The following DUSP16 variants were observed in gnomAD, a reference collection of about 807,000 sequenced individuals.
The protein encoded by DUSP16 is dual specificity protein phosphatase 16.
In DUSP16, 21 loss-of-function variants were observed where a neutral mutation model predicts 58.3. That is an observed-to-expected ratio of 0.36 (90% CI 0.26 to 0.52). The LOEUF (loss-of-function observed/expected upper bound fraction) is 0.52. Among genes scored for constraint, DUSP16 ranks in the 20% least tolerant of loss-of-function variants. The pLI, the probability that DUSP16 is intolerant of heterozygous loss-of-function variation, is 0.94. For missense variants in DUSP16, 726 were observed against 819.0 expected, an observed-to-expected ratio of 0.89 and a Z score of 1.39; for synonymous variants, 320 against 323.8, an observed-to-expected ratio of 0.99 and a Z score of 0.12.
At chr12:12,494,136 C>T (rs1943797483) in intron 4 of DUSP16, among the ~76,000 whole-genome samples, 1 of 152,148 alleles carries the variant, frequency 6.6e-6, no homozygotes, top group Non-Finnish European at 1.5e-5. Context: ...GTTCCTTGCA[C>T]ATTTTCATTT....
Position 12,476,697 on chromosome 12 carries a change from A to G in DUSP16, c.*136T>C. ...AAGAGAGTAACAACTGGGTTGATCCACCTGTTGCTTTTACACCATAGCTCC... is the reference window on the plus strand; with the variant it reads ...AAGAGAGTAACAACTGGGTTGATCCGCCTGTTGCTTTTACACCATAGCTCC... On this transcript the variant is annotated 3_prime_UTR_variant, in exon 7 of 7. Coordinates refer to ENST00000298573, the MANE Select transcript of DUSP16 (RefSeq NM_030640.3). The G allele has an allele frequency of 1.4e-6, 1 of 702,686 alleles. No individual in the cohort carries two copies. The allele number at this position is 702,686 out of a possible 1,614,324, so 43.5% of individuals were successfully genotyped here.
chr12:12,477,439 T>C lies in DUSP16; in HGVS notation c.1392A>G (p.Glu464=). 1 of 1,605,592 alleles carries C rather than the reference T, an allele frequency of 6.2e-7. No individual in the cohort carries two copies. The highest frequency in any genetic ancestry group is 1.3e-5 in the African/African-American group (1 of 74,760). Residue 464 remains glutamate, a synonymous_variant, in exon 7 of 7, where the codon GAA becomes GAG. Transcript: ENST00000298573. The surrounding 1 kb of genome is among the most constrained non-coding windows in gnomAD (Gnocchi z 4.1). ...QTPETSPDKE[E]ASIPKKLQTA... ...TCTGCAGCTTCTTGGGGATGCTGGC[T>C]TCCTCCTTATCAGGACTGGTTTCGG...
intron 5 of DUSP16, among the ~76,000 whole-genome samples, chr12:12,481,774 T>C (rs567090616): frequency 1.3e-5 from 2 of 152,052 alleles, no homozygotes; most frequent in South Asian, 2.1e-4. Flanking sequence ...TAAGAACATA[T>C]AAACTCGTGT....
chr12:12,508,702 A>T (rs1265992665), intron 3 of DUSP16, among the ~76,000 whole-genome samples: 1 of 152,224 alleles, frequency 6.6e-6, no homozygotes, highest in Non-Finnish European at 1.5e-5. Flanking sequence ...TTATCCCATA[A>T]ATGACACCTC....
intron 3 of DUSP16, among the ~76,000 whole-genome samples, chr12:12,514,615 C>A (rs10845570): frequency 1.4e-3 from 212 of 152,194 alleles, no homozygotes; most frequent in African/African-American, 5.0e-3. Context: ...AGAACAGGCC[C>A]GGCACATGGC....
At chr12:12,540,021 C>T (rs1944527733) in intron 1 of DUSP16, among the ~76,000 whole-genome samples, 1 of 151,884 alleles carries the variant, frequency 6.6e-6, no homozygotes, top group Admixed American at 6.6e-5. Context: ...CACCACTGCA[C>T]CCTGGCCTGG....
intron 4 of DUSP16, among the ~76,000 whole-genome samples, chr12:12,489,853 A>C (rs1943738011): frequency 1.3e-5 from 2 of 152,260 alleles, no homozygotes; most frequent in Admixed American, 6.5e-5. Context: ...AGACCTTTTA[A>C]TTAGACAATG....
chr12:12,521,272 T>C lies in DUSP16; in HGVS notation c.-174A>G, dbSNP rs971575285. The C allele has an allele frequency of 2.1e-6, 3 of 1,441,918 alleles. No individual in the cohort carries two copies. In the African/African-American group the frequency reaches 4.3e-5, roughly 21 times the overall value. 89.3% of individuals were successfully genotyped at this position (1,441,918 alleles called of 1,614,324 possible). A position where few individuals can be genotyped will look rare whatever the true frequency, so the allele number is the denominator to read the frequency against. ...TTTCAGCAAGAGCCCTCCAAGTGAA[T>C]GTCTCTTTCTCTTTCCCGTTGATGT... On this transcript the variant is annotated 5_prime_UTR_variant, in exon 2 of 7. Coordinates refer to ENST00000298573, the MANE Select transcript of DUSP16 (RefSeq NM_030640.3).
intron 1 of DUSP16, among the ~76,000 whole-genome samples, chr12:12,555,158 G>C (rs1264006497): frequency 6.6e-6 from 1 of 152,176 alleles, no homozygotes; most frequent in Non-Finnish European, 1.5e-5. Context: ...GTTACACTGT[G>C]AGCCGAAAAA....
intron 3 of DUSP16, among the ~76,000 whole-genome samples, chr12:12,507,623 T>G (rs937616622): frequency 6.6e-6 from 1 of 151,950 alleles, no homozygotes; most frequent in Non-Finnish European, 1.5e-5. Context: ...GTTGTTGTTT[T>G]TTGGAGATGG....
intron 3 of DUSP16, among the ~76,000 whole-genome samples, chr12:12,508,277 T>C (rs2136220536): frequency 6.6e-6 from 1 of 152,152 alleles, no homozygotes; most frequent in East Asian, 1.9e-4. Context: ...CACAATTCTT[T>C]CGGGATCAGC....
intron 3 of DUSP16, among the ~76,000 whole-genome samples, chr12:12,515,417 T>C (rs1051198443): frequency 2.0e-5 from 3 of 151,482 alleles, no homozygotes; most frequent in African/African-American, 7.3e-5. Context: ...AACCTCTACC[T>C]CCTGGATTCA....
At chr12:12,505,352 G>T (rs1943977715) in intron 3 of DUSP16, among the ~76,000 whole-genome samples, 1 of 152,196 alleles carries the variant, frequency 6.6e-6, no homozygotes, top group South Asian at 2.1e-4. Context: ...GAAGAGCCTT[G>T]TTTCCCCAAA....
intron 1 of DUSP16, among the ~76,000 whole-genome samples, chr12:12,526,491 T>C (rs944314787): frequency 6.6e-6 from 1 of 152,210 alleles, no homozygotes; most frequent in African/African-American, 2.4e-5. Flanking sequence ...AAGTCTATTT[T>C]TATGTTAAAG....
intron 3 of DUSP16, among the ~76,000 whole-genome samples, chr12:12,510,885 T>A (rs1944067902): frequency 6.6e-6 from 1 of 152,096 alleles, no homozygotes; most frequent in African/African-American, 2.4e-5. Flanking sequence ...GGGTGCATGA[T>A]GTCTTAGGTT....
rs1337571602 is a variant in DUSP16, at chr12:12,520,876, G to A, written c.223C>T (p.His75Tyr). 1.2e-6 allele frequency: 2 copies of A among 1,614,048 alleles called. No individual in the cohort carries two copies. The highest frequency in any genetic ancestry group is 2.7e-5 in the African/African-American group (2 of 74,932). ...GCAAAAAGGAAAGCGTTTACCTTAT[G>A]TTTCGCTGAATGCTGGATGAGCTCT... ...ITELIQHSAK[H>Y]KVDIDCSQKV... The change falls in exon 2 of 7, where the codon CAT (histidine) becomes TAT (tyrosine). Residue 75 changes from histidine (H) to tyrosine (Y), a missense_variant. Physicochemically the swap from His to Tyr is moderately conservative, Grantham distance 83 (BLOSUM62 2). Transcript: ENST00000298573.
chr12:12,512,678 A>C (rs1171217222), intron 3 of DUSP16, among the ~76,000 whole-genome samples: 1 of 152,048 alleles, frequency 6.6e-6, no homozygotes, highest in African/African-American at 2.4e-5. Flanking sequence ...TGAATATTCC[A>C]TTGTGTGTGT....
At chr12:12,536,069 G>A (rs116784154) in intron 1 of DUSP16, among the ~76,000 whole-genome samples, 1 of 152,212 alleles carries the variant, frequency 6.6e-6, no homozygotes, top group Non-Finnish European at 1.5e-5. Context: ...ATGGACTGAG[G>A]TGAGAATAGA....
intron 5 of DUSP16, among the ~76,000 whole-genome samples, chr12:12,482,210 G>C (rs1350686025): frequency 6.6e-6 from 1 of 152,028 alleles, no homozygotes; most frequent in Non-Finnish European, 1.5e-5. Flanking sequence ...TCCCCCAAAA[G>C]ACTTAACGCT....
Sources: allele counts gnomAD v4.1 joint callset (sites outside exome capture counted in the v4.1 genomes callset), GRCh38; gene constraint gnomAD v4.1.1; non-coding constraint Gnocchi (gnomAD v3.1); transcripts MANE v1.5; gene names NCBI Gene and HGNC (gene_info 2026-07-23, HGNC 2026-07-21).